Variants in GLS observed in about 807,000 individuals in gnomAD.
The protein encoded by GLS is glutaminase kidney isoform, mitochondrial.
A neutral mutation model predicts 86.7 loss-of-function variants in GLS; 36 were observed. The observed-to-expected ratio is 0.42, with a 90% CI of 0.32 to 0.55. The LOEUF is 0.55. Among genes scored for constraint, GLS ranks in the 20% least tolerant of loss-of-function variants. GLS has a pLI of 0.17. For missense variants in GLS, 528 were observed against 833.4 expected (o/e 0.63, Z 4.51); for synonymous variants, 317 against 305.9 (o/e 1.04, Z -0.38).
At chr2:190,903,631 A>G (rs1396488249) in intron 5 of GLS, among the ~76,000 whole-genome samples, 1 of 152,190 alleles carries the variant, frequency 6.6e-6, no homozygotes, top group African/African-American at 2.4e-5. Context: ...CTTCTTAAAC[A>G]TTCTCTATGT....
intron 14 of GLS, among the ~76,000 whole-genome samples, chr2:190,952,780 T>C (rs1690750282): frequency 6.6e-6 from 1 of 152,224 alleles, no homozygotes; most frequent in Non-Finnish European, 1.5e-5. Context: ...TATTCTATGG[T>C]CAATAGTTTA....
At position 190,928,892 on chromosome 2, in the gene GLS, G is replaced by GTTTT. The variant is rs367999647; in HGVS notation, c.1425+1431_1425+1434dup. On this transcript the variant is annotated intron_variant, in intron 12 of 17. Coordinates refer to ENST00000320717, the MANE Select transcript of GLS (RefSeq NM_014905.5). ...AAATTTGTAGATCCAATTCAGGTGT[G>GTTTT]TTTTTTTTTTTTTTTTTTTTTTTTG... Among the ~76,000 whole-genome samples the GTTTT allele has an allele frequency of 3.7e-3, 48 of 12,814 alleles. 6 individuals carry two copies. The highest frequency in any genetic ancestry group is 0.01 in the Admixed American group (8 of 784). 8.4% of individuals were successfully genotyped at this position (12,814 alleles called of 152,430 possible).
At chr2:190,926,569 A>G (rs898635311) in intron 11 of GLS, among the ~76,000 whole-genome samples, 4 of 152,218 alleles carry the variant, frequency 2.6e-5, no homozygotes, top group Non-Finnish European at 5.9e-5. Flanking sequence ...TAAAATGTGG[A>G]AAAATTTATT....
rs1690074498 is a variant in GLS at position 190,930,511 on chromosome 2, C to T, written c.1500C>T (p.Cys500=). The T allele has an allele frequency of 2.5e-6, 4 of 1,612,114 alleles. No homozygotes were observed. The highest frequency in any genetic ancestry group is 3.3e-4 in the Middle Eastern group (2 of 6,060). Residue 500 remains cysteine, a synonymous_variant, in exon 13 of 18, where the codon TGC becomes TGT. Transcript: ENST00000320717. This position sits in a 1 kb window ranked among gnomAD's most constrained non-coding sequence, Gnocchi z 5.0. ...LVVPNVMGMM[C]WSPPLDKMGN... ...TCCCCAATGTTATGGGTATGATGTG[C>T]TGGTCTCCTCCTCTGGATAAGATGG...
chr2:190,906,499 A>G (rs528150914), intron 6 of GLS, among the ~76,000 whole-genome samples: 2 of 152,352 alleles, frequency 1.3e-5, no homozygotes, highest in South Asian at 2.1e-4. Context: ...ACTGTATTCT[A>G]TATAAGAAAA....
intron 6 of GLS, among the ~76,000 whole-genome samples, chr2:190,908,195 C>T (rs1024293967): frequency 2.0e-5 from 3 of 152,178 alleles, no homozygotes; most frequent in Admixed American, 6.5e-5. Flanking sequence ...GTTTCCTTAA[C>T]TCCAGTTTTT....
intron 3 of GLS, among the ~76,000 whole-genome samples, chr2:190,899,556 A>G (rs1688867858): frequency 6.6e-6 from 1 of 152,154 alleles, no homozygotes; most frequent in Non-Finnish European, 1.5e-5. Context: ...ACTAAACAAG[A>G]AATACTGAGA....
Position 190,920,659 on chromosome 2 carries a change from CTTTAT to C in GLS, c.1039-360_1039-356del, listed in dbSNP as rs139552363. Among the ~76,000 whole-genome samples the C allele has an allele frequency of 0.03, 4,489 of 151,610 alleles. 89 individuals are homozygous for C. Among genetic ancestry groups the C allele is most frequent in the Middle Eastern group, 0.072 (21 of 292 alleles). On this transcript the variant is annotated intron_variant, in intron 7 of 17. Coordinates refer to ENST00000320717, the MANE Select transcript of GLS (RefSeq NM_014905.5). This position sits in a 1 kb window ranked among gnomAD's most constrained non-coding sequence, Gnocchi z 4.2. ...ACTTAATTCTTTTCGAAGGGTGAAA[CTTTAT>C]TTTAAGTTTTTTTAAATATAAGATT...
At chr2:190,926,936 T>C (rs1689914635) in intron 11 of GLS, 1 of 161,044 alleles carries the variant, frequency 6.2e-6, no homozygotes, top group Admixed American at 6.0e-5. Flanking sequence ...TAAAAATATT[T>C]CATGGCTCTT....
chr2:190,900,766 G>GT, intron 4 of GLS, 73 bp downstream of exon 4: 1 of 1,154,592 alleles, frequency 8.7e-7, no homozygotes, highest in Non-Finnish European at 1.3e-6. Context: ...GGTCTAGAGA[G>GT]TAAATTGTGT....
intron 9 of GLS, 102 bp from the exon 10 acceptor site, chr2:190,923,815 T>C (rs41270235): frequency 1.9e-5 from 14 of 738,888 alleles, no homozygotes; most frequent in East Asian, 2.6e-5. Flanking sequence ...TGAATCTTAG[T>C]TCAGTGTTCT....
intron 5 of GLS, among the ~76,000 whole-genome samples, chr2:190,903,984 G>T (rs1219622786): frequency 6.6e-6 from 1 of 152,104 alleles, no homozygotes; most frequent in East Asian, 1.9e-4. Context: ...TAATTGGGTT[G>T]GCCAGAACTT....
intron 17 of GLS, among the ~76,000 whole-genome samples, chr2:190,960,528 CTAAT>C (rs1332341942): frequency 1.7e-5 from 2 of 118,536 alleles, no homozygotes; most frequent in Non-Finnish European, 3.7e-5. Flanking sequence ...CCATGCCTGG[CTAAT>C]TTATTTATTT....
chr2:190,903,430 G>A (rs1689022479), intron 5 of GLS, among the ~76,000 whole-genome samples: 1 of 152,134 alleles, frequency 6.6e-6, no homozygotes, highest in Admixed American at 6.6e-5. Flanking sequence ...GTCACCATGT[G>A]TTGAATTAAA....
Position 190,895,510 on chromosome 2 carries a change from A to G in GLS, c.484-94A>G. ...TATTCATGTTCAAGTGTTGGGTAGA[A>G]GTTTTTATATACAGGAATAAAATCT... On this transcript the variant is annotated intron_variant, in intron 2 of 17. Transcript: ENST00000320717. This position sits in a 1 kb window ranked among gnomAD's most constrained non-coding sequence, Gnocchi z 4.2. 1 of 861,198 alleles carries G rather than the reference A, an allele frequency of 1.2e-6. No individual in the cohort carries two copies. The highest frequency in any genetic ancestry group is 2.6e-5 in the East Asian group (1 of 39,090). The allele number at this position is 861,198 out of a possible 1,614,324, so 53.3% of individuals were successfully genotyped here.
At chr2:190,926,844 G>A (rs1558984323) in intron 11 of GLS, among the ~76,000 whole-genome samples, 1 of 152,150 alleles carries the variant, frequency 6.6e-6, no homozygotes, top group East Asian at 1.9e-4. Flanking sequence ...TGGGTGAAAT[G>A]TCAGGCACTG....
At position 190,895,461 on chromosome 2, in the gene GLS, G is replaced by T. The variant is rs560291745; in HGVS notation, c.484-143G>T. On this transcript the variant is annotated intron_variant, in intron 2 of 17. Transcript: ENST00000320717. This position sits in a 1 kb window ranked among gnomAD's most constrained non-coding sequence, Gnocchi z 4.2. ...CAATGAGAAACTTGTCCAGAAAGTGGGTAATAGTGACACTAAGATGCCATA... is the reference window on the plus strand; with the variant it reads ...CAATGAGAAACTTGTCCAGAAAGTGTGTAATAGTGACACTAAGATGCCATA... 1.7e-6 allele frequency: 1 copy of T among 597,298 alleles called. No individual in the cohort carries two copies. Among genetic ancestry groups the T allele is most frequent in the Admixed American group, 3.0e-5 (1 of 33,416 alleles). 37.0% of individuals were successfully genotyped at this position (597,298 alleles called of 1,614,324 possible).
rs1478526349 is a variant in GLS, at chr2:190,954,290, A to G, written c.1713-294A>G. The stretch of plus-strand genomic sequence containing the variant: ...GCCCTTATGAGACATAAACCTTGGT[A>G]CACAGTTGTGCCATAATTCTTAAGT... On this transcript the variant is annotated intron_variant, in intron 15 of 17. Coordinates refer to ENST00000320717, the MANE Select transcript of GLS (RefSeq NM_014905.5). This position sits in a 1 kb window ranked among gnomAD's most constrained non-coding sequence, Gnocchi z 4.0. Among the ~76,000 whole-genome samples the G allele has an allele frequency of 6.6e-6, 1 of 152,122 alleles. No individual in the cohort carries two copies. The highest frequency in any genetic ancestry group is 2.4e-5 in the African/African-American group (1 of 41,410).
chr2:190,891,634 T>C lies in GLS; in HGVS notation c.387-3518T>C, dbSNP rs574872872. 9.2e-5 allele frequency among the ~76,000 whole-genome samples: 14 copies of C among 152,192 alleles called. No homozygotes were observed. The South Asian group carries it at 2.5e-3, about 27-fold the overall frequency. On this transcript the variant is annotated intron_variant, in intron 1 of 17. Coordinates refer to ENST00000320717, the MANE Select transcript of GLS (RefSeq NM_014905.5). ...AATTCCCCCTTTGGTATGGGGAAAC[T>C]AATTTGGTCAGTGGGGTAAGCAAAG...
Sources: gnomAD v4.1 joint callset for allele counts (sites outside exome capture counted in the v4.1 genomes callset) on GRCh38, gnomAD v4.1.1 for gene constraint, Gnocchi (gnomAD v3.1) non-coding constraint, MANE v1.5 for transcripts, NCBI Gene and HGNC (gene_info 2026-07-23, HGNC 2026-07-21) for gene names.